Variants in INPP4B observed in about 807,000 individuals in gnomAD.
INPP4B encodes the protein inositol polyphosphate 4-phosphatase type II.
INPP4B carries 55 observed loss-of-function variants against 122.5 expected under a neutral mutation model. The ratio of observed to expected loss-of-function variants is 0.45; its 90% CI spans 0.36 to 0.56. INPP4B has a LOEUF of 0.56. INPP4B is among the 20% of genes least tolerant of loss of function. The pLI, the probability that INPP4B is intolerant of heterozygous loss-of-function variation, is 0.00. For synonymous variants in INPP4B, 403 were observed against 388.7 expected (o/e 1.04, Z -0.43); for missense variants, 1,000 against 1,097.7 (o/e 0.91, Z 1.26).
intron 23 of INPP4B, among the ~76,000 whole-genome samples, chr4:142,095,461 T>C (rs1781421225): frequency 6.6e-6 from 1 of 152,220 alleles, no homozygotes; most frequent in Admixed American, 6.5e-5. Context: ...TTCTGTTGAT[T>C]GGACATCATA....
At chr4:142,408,524 G>T (rs1803931817) in intron 5 of INPP4B, among the ~76,000 whole-genome samples, 1 of 152,158 alleles carries the variant, frequency 6.6e-6, no homozygotes, top group Non-Finnish European at 1.5e-5. Flanking sequence ...CTGCACTCCA[G>T]CCTGGGTGAC....
intron 1 of INPP4B, among the ~76,000 whole-genome samples, chr4:142,843,468 G>A (rs1783812585): frequency 6.6e-6 from 1 of 151,832 alleles, no homozygotes; most frequent in Admixed American, 6.6e-5. Context: ...TAATACAGAA[G>A]AGACTCACAC....
intron 7 of INPP4B, among the ~76,000 whole-genome samples, chr4:142,369,087 A>G (rs1331856392): frequency 1.3e-5 from 2 of 152,072 alleles, no homozygotes; most frequent in Admixed American, 6.6e-5. Context: ...AGTAGGGAAC[A>G]TTAGAATTTG....
At position 142,613,296 on chromosome 4, in the gene INPP4B, T is replaced by C. The variant is rs140303894; in HGVS notation, c.-191+112543A>G. 2.7e-3 allele frequency among the ~76,000 whole-genome samples: 404 copies of C among 152,348 alleles called. 6 individuals carry two copies. Among genetic ancestry groups the C allele is most frequent in the East Asian group, 0.018 (95 of 5,182 alleles). ...TGCAGCTGAACATAAGCGAAACTGA[T>C]ACATATAGATTTGTGAGTAGTACAT... On this transcript the variant is annotated intron_variant, in intron 2 of 25. Coordinates refer to ENST00000262992, the MANE Select transcript of INPP4B (RefSeq NM_001101669.3).
intron 2 of INPP4B, among the ~76,000 whole-genome samples, chr4:142,623,772 T>G (rs891116132): frequency 6.9e-6 from 1 of 145,560 alleles, no homozygotes; most frequent in African/African-American, 2.5e-5. Flanking sequence ...CCTGTGTCCA[T>G]GTGTTCTCAT....
At chr4:142,260,058 C>G (rs1351329839) in intron 11 of INPP4B, among the ~76,000 whole-genome samples, 1 of 152,134 alleles carries the variant, frequency 6.6e-6, no homozygotes, top group Non-Finnish European at 1.5e-5. Flanking sequence ...GATCTCGGCT[C>G]CCTGCAACCT....
intron 2 of INPP4B, among the ~76,000 whole-genome samples, chr4:142,717,851 G>A (rs1308599145): frequency 7.0e-6 from 1 of 143,716 alleles, no homozygotes; most frequent in African/African-American, 2.6e-5. Flanking sequence ...TAACAAACCT[G>A]CACATTGTGC....
intron 7 of INPP4B, among the ~76,000 whole-genome samples, chr4:142,384,648 C>T (rs1256309407): frequency 6.6e-6 from 1 of 152,160 alleles, no homozygotes; most frequent in African/African-American, 2.4e-5. Flanking sequence ...CAGCGCATGA[C>T]TGTATATCTC....
At chr4:142,524,175 T>C (rs1481791378) in intron 2 of INPP4B, among the ~76,000 whole-genome samples, 1 of 152,062 alleles carries the variant, frequency 6.6e-6, no homozygotes, top group Non-Finnish European at 1.5e-5. Context: ...ATATACCCAG[T>C]AATGGGATGG....
At chr4:142,802,590 A>G (rs1778141607) in intron 1 of INPP4B, among the ~76,000 whole-genome samples, 2 of 152,070 alleles carry the variant, frequency 1.3e-5, no homozygotes, top group African/African-American at 4.8e-5. Context: ...GTTGTTAAGA[A>G]TCCTATTTTT....
intron 25 of INPP4B, chr4:142,030,273 G>C (rs900424302): frequency 6.5e-7 from 1 of 1,535,476 alleles, no homozygotes; most frequent in Non-Finnish European, 8.7e-7. Context: ...AGGATCATCG[G>C]ATTCATTCAG....
At chr4:142,299,727 C>T (rs1760562650) in intron 9 of INPP4B, among the ~76,000 whole-genome samples, 1 of 151,966 alleles carries the variant, frequency 6.6e-6, no homozygotes, top group Non-Finnish European at 1.5e-5. Context: ...ATTTAATATA[C>T]AAAATATTTT....
chr4:142,348,260 A>G lies in INPP4B; in HGVS notation c.373-33498T>C, dbSNP rs538834836. ...AAGAGCCTGTCTCCACAAGCCTCTA[A>G]ATCAATCCTTTCATTATTGATTGGC... On this transcript the variant is annotated intron_variant, in intron 7 of 25. Transcript: ENST00000262992. 7.9e-5 allele frequency among the ~76,000 whole-genome samples: 12 copies of G among 152,166 alleles called. 1 individual carries two copies. The South Asian group carries it at 2.5e-3, about 32-fold the overall frequency.
chr4:142,542,132 A>G (rs1236183924), intron 2 of INPP4B, among the ~76,000 whole-genome samples: 1 of 152,140 alleles, frequency 6.6e-6, no homozygotes, highest in Non-Finnish European at 1.5e-5. Context: ...TCCCTCTCCA[A>G]AAAGTTCTGG....
intron 15 of INPP4B, among the ~76,000 whole-genome samples, chr4:142,185,814 G>T (rs1263769142): frequency 2.0e-5 from 3 of 148,066 alleles, no homozygotes; most frequent in Admixed American, 6.9e-5. Context: ...GAGAGGCGGA[G>T]CTTGCAGTGA....
intron 2 of INPP4B, among the ~76,000 whole-genome samples, chr4:142,685,472 T>A (rs1336220951): frequency 6.6e-6 from 1 of 152,146 alleles, no homozygotes; most frequent in Non-Finnish European, 1.5e-5. Context: ...AGTTTTTTGA[T>A]ATGGTCTACT....
intron 1 of INPP4B, among the ~76,000 whole-genome samples, chr4:142,752,678 C>G (rs1769908568): frequency 6.6e-6 from 1 of 152,002 alleles, no homozygotes; most frequent in Non-Finnish European, 1.5e-5. Context: ...TCTTACAGAT[C>G]CTCTGTAATT....
intron 1 of INPP4B, among the ~76,000 whole-genome samples, chr4:142,742,219 C>A (rs1266476269): frequency 6.6e-6 from 1 of 151,902 alleles, no homozygotes; most frequent in Admixed American, 6.6e-5. Flanking sequence ...CAGCCCACAG[C>A]CAAAGCATGA....
chr4:142,730,495 T>C (rs1281298877), intron 1 of INPP4B, among the ~76,000 whole-genome samples: 1 of 152,214 alleles, frequency 6.6e-6, no homozygotes, highest in African/African-American at 2.4e-5. Flanking sequence ...AGTTCCATTC[T>C]TCAGGTCTAT....
Sources: allele counts gnomAD v4.1 joint callset (sites outside exome capture counted in the v4.1 genomes callset), GRCh38; gene constraint gnomAD v4.1.1; transcripts MANE v1.5; gene names NCBI Gene and HGNC (gene_info 2026-07-23, HGNC 2026-07-21).